Variants in MTA3 observed in about 807,000 individuals in gnomAD.
MTA3 encodes metastasis-associated protein MTA3.
A neutral mutation model predicts 83.5 loss-of-function variants in MTA3; 34 were observed. That is an observed-to-expected ratio of 0.41 (90% CI 0.31 to 0.54). The LOEUF (loss-of-function observed/expected upper bound fraction) is 0.54. Ranked by LOEUF, MTA3 falls within the 20% of genes least tolerant of loss-of-function variation. MTA3 has a pLI of 0.33. For synonymous variants in MTA3, 303 were observed against 252.7 expected, an observed-to-expected ratio of 1.20 and a Z score of -1.89; for missense variants, 761 against 726.4, an observed-to-expected ratio of 1.05 and a Z score of -0.55.
chr2:42,622,936 T>C (rs977670905), intron 4 of MTA3, among the ~76,000 whole-genome samples: 1 of 152,216 alleles, frequency 6.6e-6, no homozygotes, highest in Admixed American at 6.5e-5. Context: ...AGATACGGTA[T>C]ATTAGTAAGT....
In MTA3 at chr2:42,707,934, C is replaced by A. The variant is rs1334590906; in HGVS notation, c.1182C>A (p.Gly394=). The A allele has an allele frequency of 3.1e-6, 5 of 1,601,580 alleles. No individual in the cohort carries two copies. The highest frequency in any genetic ancestry group is 2.3e-5 in the South Asian group (2 of 88,146). Residue 394 remains glycine, a synonymous_variant, in exon 13 of 17, where the codon GGC becomes GGA. Coordinates refer to ENST00000405094, the MANE Select transcript of MTA3 (RefSeq NM_001330442.2). ...ATQSHQWYSW[G]PPNMQCRLCA... Reference sequence around the variant, plus strand: ...AGTCTCACCAGTGGTATTCTTGGGGCCCACCTAATATGCAGTGTAGATTAT... The same window carrying A: ...AGTCTCACCAGTGGTATTCTTGGGGACCACCTAATATGCAGTGTAGATTAT...
chr2:42,638,146 G>A (rs748283582), intron 4 of MTA3, among the ~76,000 whole-genome samples: 13 of 151,964 alleles, frequency 8.6e-5, no homozygotes, highest in Non-Finnish European at 1.9e-4. Context: ...TAAAAAGGGG[G>A]ATTTTTTTTT....
chr2:42,547,138 G>A (rs1179772228), intron 2 of MTA3, among the ~76,000 whole-genome samples: 1 of 152,158 alleles, frequency 6.6e-6, no homozygotes, highest in African/African-American at 2.4e-5. Context: ...CTAGGGTGGA[G>A]TCTGGAAGTC....
intron 8 of MTA3, among the ~76,000 whole-genome samples, chr2:42,666,135 G>T (rs1298772828): frequency 6.6e-6 from 1 of 152,104 alleles, no homozygotes; most frequent in Admixed American, 6.5e-5. Context: ...AAATTAGCTG[G>T]GTGTGGTGGC....
chr2:42,724,559 G>A (rs1394767011), intron 16 of MTA3, among the ~76,000 whole-genome samples: 5 of 150,704 alleles, frequency 3.3e-5, no homozygotes, highest in Non-Finnish European at 5.9e-5. Flanking sequence ...TGGGAGGATC[G>A]ATTGAGCCCA....
At chr2:42,674,911 C>G (rs1288439395) in intron 8 of MTA3, among the ~76,000 whole-genome samples, 1 of 150,918 alleles carries the variant, frequency 6.6e-6, no homozygotes, top group Non-Finnish European at 1.5e-5. Context: ...AGTTTTCTTT[C>G]TTTCTTTTTT....
intron 2 of MTA3, among the ~76,000 whole-genome samples, chr2:42,527,470 T>C (rs1387628055): frequency 6.6e-6 from 1 of 152,130 alleles, no homozygotes; most frequent in African/African-American, 2.4e-5. Context: ...TCTAGATTCC[T>C]TTTCAGAGAA....
chr2:42,629,561 T>G (rs6544579), intron 4 of MTA3, among the ~76,000 whole-genome samples: 2 of 151,976 alleles, frequency 1.3e-5, no homozygotes, highest in African/African-American at 2.4e-5. Flanking sequence ...GTAAGGTCCT[T>G]GAACAAGGAG....
chr2:42,579,645 C>T (rs1053678512), intron 3 of MTA3, among the ~76,000 whole-genome samples: 5 of 151,924 alleles, frequency 3.3e-5, no homozygotes, highest in African/African-American at 9.7e-5. Flanking sequence ...AAAATGTTGA[C>T]ATAGAAGCCT....
At chr2:42,749,084 G>T (rs1401264769) in intron 16 of MTA3, among the ~76,000 whole-genome samples, 2 of 152,138 alleles carry the variant, frequency 1.3e-5, no homozygotes, top group Non-Finnish European at 2.9e-5. Flanking sequence ...GTTTTCCATC[G>T]GGCTCCTGGG....
At chr2:42,721,330 CTTTTTT>C (rs773375150) in intron 15 of MTA3, among the ~76,000 whole-genome samples, 1 of 138,198 alleles carries the variant, frequency 7.2e-6, no homozygotes, top group Admixed American at 7.3e-5. Context: ...TTTTCTTTTT[CTTTTTT>C]TTTTTTTTTG....
At chr2:42,735,022 T>G (rs1401494730) in intron 16 of MTA3, among the ~76,000 whole-genome samples, 1 of 152,200 alleles carries the variant, frequency 6.6e-6, no homozygotes, top group African/African-American at 2.4e-5. Context: ...GTTATAATAT[T>G]CTGTGTTTTT....
chr2:42,504,848 G>T (rs977863187), intron 2 of MTA3, among the ~76,000 whole-genome samples: 1 of 151,968 alleles, frequency 6.6e-6, no homozygotes, highest in African/African-American at 2.4e-5. Flanking sequence ...TAAATTTCCA[G>T]CTTTGCAAAG....
intron 3 of MTA3, among the ~76,000 whole-genome samples, chr2:42,604,127 C>T (rs913333001): frequency 3.3e-5 from 5 of 151,710 alleles, no homozygotes; most frequent in South Asian, 2.1e-4. Flanking sequence ...CTATAACCTC[C>T]GTCTCCTGGG....
intron 9 of MTA3, among the ~76,000 whole-genome samples, chr2:42,688,562 G>T (rs1161682348): frequency 1.3e-5 from 2 of 149,940 alleles, no homozygotes; most frequent in African/African-American, 4.9e-5. Context: ...TTAAAAGTGG[G>T]CTTCTTTTGT....
chr2:42,704,344 A>G (rs1665877110), intron 12 of MTA3, 26 bp downstream of exon 12: 12 of 1,612,468 alleles, frequency 7.4e-6, no homozygotes, highest in Non-Finnish European at 9.3e-6. Flanking sequence ...CAGGTCAGTT[A>G]AGCATCGGGA....
chr2:42,675,222 G>T (rs930305404), intron 8 of MTA3, among the ~76,000 whole-genome samples: 1 of 151,224 alleles, frequency 6.6e-6, no homozygotes, highest in African/African-American at 2.4e-5. Context: ...TGCAACAGCC[G>T]CCTCCTGAGT....
upstream of MTA3, among the ~76,000 whole-genome samples, chr2:42,494,365 A>G (rs976915177): frequency 1.3e-5 from 2 of 152,110 alleles, no homozygotes; most frequent in Non-Finnish European, 2.9e-5. Context: ...CCCAGTGTGG[A>G]CTCGGGTGCG....
chr2:42,568,434 C>G (rs1678038812), upstream of MTA3: 1 of 131,490 alleles, frequency 7.6e-6, no homozygotes, highest in South Asian at 2.4e-4. Context: ...CCCTCCCACT[C>G]CCACTCCCTT....
Sources: allele counts gnomAD v4.1 joint callset (sites outside exome capture counted in the v4.1 genomes callset), GRCh38; gene constraint gnomAD v4.1.1; transcripts MANE v1.5; gene names NCBI Gene and HGNC (gene_info 2026-07-23, HGNC 2026-07-21).